FAM163A: variants seen among roughly 807,000 people sequenced by gnomAD.
The protein encoded by FAM163A is protein FAM163A.
A neutral mutation model predicts 12.0 loss-of-function variants in FAM163A; 7 were observed. The ratio of observed to expected loss-of-function variants is 0.58; its 90% CI spans 0.33 to 1.10. FAM163A has a LOEUF of 1.10. Among genes scored for constraint, FAM163A ranks in the 50% least tolerant of loss-of-function variants. FAM163A has a pLI of 0.03. For synonymous variants in FAM163A, 101 were observed against 91.0 expected (o/e 1.11, Z -0.62); for missense variants, 202 against 218.6 (o/e 0.92, Z 0.48).
chr1:179,747,719 G>A (rs1684695456), intron 1 of FAM163A, among the ~76,000 whole-genome samples: 1 of 152,204 alleles, frequency 6.6e-6, no homozygotes, highest in Admixed American at 6.5e-5. Flanking sequence ...TCACATGGGT[G>A]CTTACAGACC....
chr1:179,778,689 A>G (rs892250529), intron 1 of FAM163A, among the ~76,000 whole-genome samples: 1 of 152,114 alleles, frequency 6.6e-6, no homozygotes, highest in African/African-American at 2.4e-5. Flanking sequence ...GGAAAGGTAC[A>G]CGGATCAGTA....
At chr1:179,740,238 G>A (rs954516271), upstream of FAM163A, among the ~76,000 whole-genome samples, 4 of 152,152 alleles carry the variant, frequency 2.6e-5, no homozygotes, top group African/African-American at 9.7e-5. Flanking sequence ...AAGTGCGGTG[G>A]TTCAATCCTA....
intron 1 of FAM163A, among the ~76,000 whole-genome samples, chr1:179,767,788 G>C (rs1036684687): frequency 1.3e-5 from 2 of 152,062 alleles, no homozygotes; most frequent in African/African-American, 4.8e-5. Flanking sequence ...AGAATTTTAC[G>C]ATGGCCCTCT....
intron 1 of FAM163A, among the ~76,000 whole-genome samples, chr1:179,793,443 C>A (rs1046747783): frequency 2.6e-5 from 4 of 152,308 alleles, no homozygotes; most frequent in African/African-American, 9.6e-5. Flanking sequence ...GGGCTTGTCT[C>A]ATGGGAAAAG....
chr1:179,758,879 C>G (rs776097649), intron 1 of FAM163A, among the ~76,000 whole-genome samples: 1 of 152,218 alleles, frequency 6.6e-6, no homozygotes, highest in Non-Finnish European at 1.5e-5. Flanking sequence ...GGCCTCCTCA[C>G]CCCAGCTCCA....
chr1:179,770,361 T>C (rs916483442), intron 1 of FAM163A, among the ~76,000 whole-genome samples: 14 of 152,160 alleles, frequency 9.2e-5, no homozygotes, highest in Non-Finnish European at 1.3e-4. Context: ...TACTTCCTAA[T>C]TGGCCTCCCA....
In FAM163A at chr1:179,813,140, A is replaced by G. The variant is rs1694934860; in HGVS notation, c.43A>G (p.Thr15Ala). Reference protein sequence around the residue: ...TVVITGGILATVILLCIIAVL... With the variant: ...TVVITGGILAAVILLCIIAVL... ...TGTGATCACTGGCGGAATCCTAGCTACGGTGATCCTCCTCTGCATCATTGC... is the reference window on the plus strand; with the variant it reads ...TGTGATCACTGGCGGAATCCTAGCTGCGGTGATCCTCCTCTGCATCATTGC... The change falls in exon 4 of 5, where the codon ACG becomes GCG. Residue 15 changes from threonine (T) to alanine (A), a missense_variant. By Grantham distance (58) the Thr-to-Ala change is moderately conservative (BLOSUM62 0). Transcript: ENST00000341785. 1.3e-6 allele frequency: 2 copies of G among 1,551,908 alleles called. No individual in the cohort carries two copies.
At chr1:179,774,464 T>A (rs991328813) in intron 1 of FAM163A, among the ~76,000 whole-genome samples, 11 of 152,340 alleles carry the variant, frequency 7.2e-5, no homozygotes, top group Admixed American at 5.2e-4. Context: ...TGTGCTTTTT[T>A]CTCCGGGAAG....
chr1:179,751,640 G>A (rs1483538988), intron 1 of FAM163A, among the ~76,000 whole-genome samples: 2 of 152,050 alleles, frequency 1.3e-5, no homozygotes, highest in African/African-American at 2.4e-5. Flanking sequence ...CTGTTTTAAT[G>A]ACAGAATTGA....
chr1:179,765,235 T>C (rs1687331256), intron 1 of FAM163A, among the ~76,000 whole-genome samples: 1 of 152,218 alleles, frequency 6.6e-6, no homozygotes, highest in Non-Finnish European at 1.5e-5. Flanking sequence ...TGGGATGTGA[T>C]CTCCAAGTGC....
chr1:179,796,848 C>T lies in FAM163A; in HGVS notation c.-135-10950C>T, dbSNP rs112391771. Among the ~76,000 whole-genome samples the T allele has an allele frequency of 2.0e-5, 3 of 152,354 alleles. No homozygotes were observed. In the East Asian group the frequency reaches 5.8e-4, roughly 29 times the overall value. On this transcript the variant is annotated intron_variant, in intron 1 of 4. Transcript: ENST00000341785. ...TACATAGAAGACTTGAGAAGTTGCCCTCTTGCTAACATTCCTAAACTGTTC... is the reference window on the plus strand; with the variant it reads ...TACATAGAAGACTTGAGAAGTTGCCTTCTTGCTAACATTCCTAAACTGTTC...
At chr1:179,750,605 T>A (rs1180054497) in intron 1 of FAM163A, among the ~76,000 whole-genome samples, 2 of 152,192 alleles carry the variant, frequency 1.3e-5, no homozygotes, top group Non-Finnish European at 2.9e-5. Context: ...TCATACAACA[T>A]GAGCGGAAGA....
intron 1 of FAM163A, among the ~76,000 whole-genome samples, chr1:179,784,738 C>T (rs570328146): frequency 6.6e-6 from 1 of 152,332 alleles, no homozygotes; most frequent in East Asian, 1.9e-4. Flanking sequence ...ATACTCATTT[C>T]TTTCAGGTAG....
the FAM163A span, among the ~76,000 whole-genome samples, chr1:179,731,896 C>A: frequency 6.6e-6 from 1 of 152,210 alleles, no homozygotes; most frequent in African/African-American, 2.4e-5. Context: ...ACAGTGCCAA[C>A]AACCAAGTTC....
In FAM163A at chr1:179,764,977, C is replaced by T. The variant is rs184606135; in HGVS notation, c.-136+21554C>T. Among the ~76,000 whole-genome samples the T allele has an allele frequency of 2.6e-5, 4 of 152,338 alleles. No individual in the cohort carries two copies. The East Asian group carries it at 7.7e-4, about 29-fold the overall frequency. On this transcript the variant is annotated intron_variant, in intron 1 of 4. Transcript: ENST00000341785. Reference sequence around the variant, plus strand: ...TAATTGTTAGCCATGATTACTTTGTCAGCATCTGCCTGTTGATGAATCACA... The same window carrying T: ...TAATTGTTAGCCATGATTACTTTGTTAGCATCTGCCTGTTGATGAATCACA...
chr1:179,730,814 G>A, the FAM163A span, among the ~76,000 whole-genome samples: 2 of 152,116 alleles, frequency 1.3e-5, no homozygotes, highest in Non-Finnish European at 1.5e-5. Context: ...AAAACTACAT[G>A]AGCAACAACA....
intron 3 of FAM163A, 118 bp from the exon 4 acceptor site, chr1:179,812,958 G>T: frequency 2.2e-6 from 2 of 910,472 alleles, no homozygotes; most frequent in Non-Finnish European, 3.4e-6. Flanking sequence ...GGCCCTCCCG[G>T]CACCTGCTGC....
intron 1 of FAM163A, among the ~76,000 whole-genome samples, chr1:179,756,379 C>G (rs1055842273): frequency 1.3e-5 from 2 of 150,408 alleles, no homozygotes; most frequent in East Asian, 1.9e-4. Context: ...TGTGCAGGAC[C>G]TGGAGATTGA....
At chr1:179,785,004 G>A (rs1163489742) in intron 1 of FAM163A, among the ~76,000 whole-genome samples, 5 of 152,142 alleles carry the variant, frequency 3.3e-5, no homozygotes, top group South Asian at 4.1e-4. Context: ...CGTCACTGTG[G>A]GAGGACAAAT....
Sources: allele counts gnomAD v4.1 joint callset (sites outside exome capture counted in the v4.1 genomes callset), GRCh38; gene constraint gnomAD v4.1.1; transcripts MANE v1.5; gene names NCBI Gene and HGNC (gene_info 2026-07-23, HGNC 2026-07-21).